ZNF639: variants seen among roughly 807,000 people sequenced by gnomAD.
ZNF639 encodes the protein zinc finger amplified in esophageal squamous cell carcinomas 1.
ZNF639 carries 20 observed loss-of-function variants against 39.8 expected under a neutral mutation model. The ratio of observed to expected loss-of-function variants is 0.50; its 90% CI spans 0.35 to 0.73. ZNF639 has a LOEUF of 0.73. Among genes scored for constraint, ZNF639 ranks in the 30% least tolerant of loss-of-function variants. ZNF639 has a pLI of 0.00. For synonymous variants in ZNF639, 176 were observed against 189.8 expected, an observed-to-expected ratio of 0.93 and a Z score of 0.60; for missense variants, 477 against 566.2, an observed-to-expected ratio of 0.84 and a Z score of 1.60.
rs1395440548 is a variant in ZNF639 at position 179,335,632 on chromosome 3, C to A, written c.*1210C>A. ...CTCACAGTTGTGAAGGCCAGACATT[C>A]AAAATGGAGTTATTGGCAGTTGGTT... On this transcript the variant is annotated 3_prime_UTR_variant, in exon 6 of 6. Coordinates refer to ENST00000496856, the MANE Select transcript of ZNF639 (RefSeq NM_001303426.2). The A allele has an allele frequency of 6.6e-6, 1 of 152,142 alleles. No individual in the cohort carries two copies. Among genetic ancestry groups the A allele is most frequent in the Non-Finnish European group, 1.5e-5 (1 of 68,038 alleles). 9.4% of individuals were successfully genotyped at this position (152,142 alleles called of 1,614,324 possible). A position where few individuals can be genotyped will look rare whatever the true frequency, so the allele number is the denominator to read the frequency against.
rs1262197569 is a variant in ZNF639 at position 179,335,472 on chromosome 3, A to G, written c.*1050A>G. ...TTAAAGTTAGGAAGATCTGGGAGAT[A>G]GGGGTTGCTGGCATGAAAATGTATA... On this transcript the variant is annotated 3_prime_UTR_variant, in exon 6 of 6. Transcript: ENST00000496856. 6.6e-6 allele frequency: 1 copy of G among 152,248 alleles called. No individual in the cohort carries two copies. Among genetic ancestry groups the G allele is most frequent in the Non-Finnish European group, 1.5e-5 (1 of 68,046 alleles). 9.4% of individuals were successfully genotyped at this position (152,248 alleles called of 1,614,324 possible).
chr3:179,323,485 G>T (rs1450308696), intron 1 of ZNF639, among the ~76,000 whole-genome samples, 194 bp downstream of exon 1: 1 of 152,174 alleles, frequency 6.6e-6, no homozygotes, highest in Non-Finnish European at 1.5e-5. Flanking sequence ...TGCGCAGGAC[G>T]CCTTGGCCGG....
At chr3:179,330,462 T>A (rs1727846628) in intron 4 of ZNF639, among the ~76,000 whole-genome samples, 1 of 152,078 alleles carries the variant, frequency 6.6e-6, no homozygotes, top group Admixed American at 6.5e-5. Flanking sequence ...TTTAAAAATT[T>A]TTTTGTAAAG....
rs73172207 is a variant in ZNF639, at chr3:179,333,281, A to G, written c.317A>G (p.Asp106Gly). The change falls in exon 6 of 6, where the codon GAT becomes GGT. Residue 106 changes from aspartate to glycine, a missense_variant. Physicochemically the swap from Asp to Gly is moderately conservative, Grantham distance 94. Coordinates refer to ENST00000496856, the MANE Select transcript of ZNF639 (RefSeq NM_001303426.2). ...HTAFSTEKSA[D>G]IVICDEECDS... ...TTTTATTCTTCAGAAAAATCTGCTG[A>G]TATTGTAATTTGTGATGAAGAGTGT... is the stretch of plus-strand genomic sequence containing the variant. The G allele has an allele frequency of 2.4e-4, 378 of 1,601,378 alleles. No homozygotes were observed. The highest frequency in any genetic ancestry group is 3.1e-4 in the Non-Finnish European group (360 of 1,174,056).
At position 179,325,689 on chromosome 3, in the gene ZNF639, C is replaced by T. The variant is rs370230359; in HGVS notation, c.-82-1872C>T. ...CGGGCAGATCACGAGGTCAGGAGATCGAGAACATCCTGGCTAACACGGTGA... is the reference window on the plus strand; with the variant it reads ...CGGGCAGATCACGAGGTCAGGAGATTGAGAACATCCTGGCTAACACGGTGA... On this transcript the variant is annotated intron_variant, in intron 1 of 5. Transcript: ENST00000496856. 6.0e-5 allele frequency among the ~76,000 whole-genome samples: 9 copies of T among 151,258 alleles called. 2 individuals carry two copies. The highest frequency in any genetic ancestry group is 2.1e-4 in the South Asian group (1 of 4,760).
rs373723095 is a variant in ZNF639 at position 179,324,711 on chromosome 3, A to G, written c.-83+1420A>G. On this transcript the variant is annotated intron_variant, in intron 1 of 5. Coordinates refer to ENST00000496856, the MANE Select transcript of ZNF639 (RefSeq NM_001303426.2). ...CTCCTCCTCTCACCTAACAGCCTGA[A>G]TCCAGGCCAGCTTGCAACGTTGATT... 7.2e-5 allele frequency among the ~76,000 whole-genome samples: 11 copies of G among 152,288 alleles called. No homozygotes were observed. In the East Asian group the frequency reaches 1.3e-3, roughly 19 times the overall value.
At chr3:179,332,390 A>C (rs571172801) in intron 4 of ZNF639, among the ~76,000 whole-genome samples, 4 of 152,352 alleles carry the variant, frequency 2.6e-5, no homozygotes, top group Non-Finnish European at 5.9e-5. Flanking sequence ...TGGGAGGCCA[A>C]GGTGGGAGGA....
In ZNF639 at chr3:179,335,318, C is replaced by T. The variant is rs761356990; in HGVS notation, c.*896C>T. The T allele has an allele frequency of 6.6e-6, 1 of 152,164 alleles. No homozygotes were observed. The highest frequency in any genetic ancestry group is 1.5e-5 in the Non-Finnish European group (1 of 68,066). 9.4% of individuals were successfully genotyped at this position (152,164 alleles called of 1,614,324 possible). A position where few individuals can be genotyped will look rare whatever the true frequency, so the allele number is the denominator to read the frequency against. On this transcript the variant is annotated 3_prime_UTR_variant, in exon 6 of 6. Coordinates refer to ENST00000496856, the MANE Select transcript of ZNF639 (RefSeq NM_001303426.2). The stretch of plus-strand genomic sequence containing the variant: ...TGTTGCCCAGGCCAGTCTCAAACTC[C>T]TGGACTCAAGCAATCCTCCCACCTT...
At chr3:179,332,919 G>C (rs1727992922) in intron 4 of ZNF639, 70 bp from the exon 5 acceptor site, 2 of 1,437,676 alleles carry the variant, frequency 1.4e-6, no homozygotes, top group Non-Finnish European at 1.8e-6. Flanking sequence ...TTTAAAAATT[G>C]ATGCTTTGTT....
rs1727375593 is a variant in ZNF639 at position 179,323,154 on chromosome 3, G to A, written c.-220G>A. The A allele has an allele frequency of 1.0e-6, 1 of 984,462 alleles. No homozygotes were observed. Among genetic ancestry groups the A allele is most frequent in the Non-Finnish European group, 1.2e-6 (1 of 829,698 alleles). 61.0% of individuals were successfully genotyped at this position (984,462 alleles called of 1,614,324 possible). ...GGGAGAGGGGTCGGCCCAGCACAGC[G>A]TCCGGGAGCGCTAGGGCCGGAGCAG... is the stretch of plus-strand genomic sequence containing the variant. On this transcript the variant is annotated 5_prime_UTR_variant, in exon 1 of 6. Coordinates refer to ENST00000496856, the MANE Select transcript of ZNF639 (RefSeq NM_001303426.2).
intron 1 of ZNF639, among the ~76,000 whole-genome samples, chr3:179,327,308 G>A (rs980169983): frequency 6.6e-6 from 1 of 152,044 alleles, no homozygotes; most frequent in Non-Finnish European, 1.5e-5. Context: ...CTATAGGTCA[G>A]GCATGAGACT....
chr3:179,335,329 CA>C lies in ZNF639; in HGVS notation c.*909del, dbSNP rs1711501577. ...CCAGTCTCAAACTCCTGGACTCAAG[CA>C]ATCCTCCCACCTTGGCCTTCCAAAT... On this transcript the variant is annotated 3_prime_UTR_variant, in exon 6 of 6. Coordinates refer to ENST00000496856, the MANE Select transcript of ZNF639 (RefSeq NM_001303426.2). The C allele has an allele frequency of 6.6e-6, 1 of 152,158 alleles. No homozygotes were observed. The highest frequency in any genetic ancestry group is 1.5e-5 in the Non-Finnish European group (1 of 68,064). 9.4% of individuals were successfully genotyped at this position (152,158 alleles called of 1,614,324 possible).
chr3:179,323,831 T>G (rs1305249574), intron 1 of ZNF639: 1 of 151,362 alleles, frequency 6.6e-6, no homozygotes, highest in Non-Finnish European at 1.5e-5. Context: ...GAGAGTCGCC[T>G]CACTCGTGTG....
chr3:179,325,954 G>A (rs1435574235), intron 1 of ZNF639, among the ~76,000 whole-genome samples: 1 of 152,106 alleles, frequency 6.6e-6, no homozygotes, highest in African/African-American at 2.4e-5. Context: ...CTTCAGTGCT[G>A]ATATACCCAG....
At position 179,333,342 on chromosome 3, in the gene ZNF639, G is replaced by A; in HGVS notation, c.378G>A (p.Glu126=). The change falls in exon 6 of 6, where the codon GAG becomes GAA. Residue 126 remains glutamate, a synonymous_variant. Coordinates refer to ENST00000496856, the MANE Select transcript of ZNF639 (RefSeq NM_001303426.2). ...SPESVNQQTQ[E]ESPIEVHTAE... ...AATCAGTCAACCAGCAAACCCAAGA[G>A]GAGAGTCCTATAGAAGTTCACACTG... The A allele has an allele frequency of 6.2e-7, 1 of 1,614,030 alleles. No homozygotes were observed. Among genetic ancestry groups the A allele is most frequent in the African/African-American group, 1.3e-5 (1 of 75,004 alleles).
In ZNF639 at chr3:179,323,162, G is replaced by A. The variant is rs1727376174; in HGVS notation, c.-212G>A. 2.0e-6 allele frequency: 2 copies of A among 984,434 alleles called. No individual in the cohort carries two copies. The highest frequency in any genetic ancestry group is 6.2e-5 in the Admixed American group (1 of 16,164). The allele number at this position is 984,434 out of a possible 1,614,324, so 61.0% of individuals were successfully genotyped here. A position where few individuals can be genotyped will look rare whatever the true frequency, so the allele number is the denominator to read the frequency against. ...GGTCGGCCCAGCACAGCGTCCGGGA[G>A]CGCTAGGGCCGGAGCAGCGCTGCCC... On this transcript the variant is annotated 5_prime_UTR_variant, in exon 1 of 6. Coordinates refer to ENST00000496856, the MANE Select transcript of ZNF639 (RefSeq NM_001303426.2).
chr3:179,329,767 G>A, intron 4 of ZNF639, 39 bp downstream of exon 4: 1 of 1,116,856 alleles, frequency 9.0e-7, no homozygotes, highest in Non-Finnish European at 1.3e-6. Context: ...TCTTTAAACT[G>A]CTTTTACATT....
rs1413726438 is a variant in ZNF639, at chr3:179,335,274, T to C, written c.*852T>C. Reference sequence around the variant, plus strand: ...GCCCGCTAAGTTTTTAAATTTCTTGTAGAGATGAGATCTCGCTATGTTGCC... The same window carrying C: ...GCCCGCTAAGTTTTTAAATTTCTTGCAGAGATGAGATCTCGCTATGTTGCC... On this transcript the variant is annotated 3_prime_UTR_variant, in exon 6 of 6. Transcript: ENST00000496856. The C allele has an allele frequency of 1.3e-5, 2 of 152,180 alleles. No homozygotes were observed. The highest frequency in any genetic ancestry group is 2.9e-5 in the Non-Finnish European group (2 of 68,054). 9.4% of individuals were successfully genotyped at this position (152,180 alleles called of 1,614,324 possible).
Position 179,333,537 on chromosome 3 carries a change from G to C in ZNF639, c.573G>C (p.Gln191His), listed in dbSNP as rs1728040868. 2 of 1,614,046 alleles carry C rather than the reference G, an allele frequency of 1.2e-6. No homozygotes were observed. Among genetic ancestry groups the C allele is most frequent in the Admixed American group, 3.3e-5 (2 of 60,000 alleles). Reference protein sequence around the residue: ...KSQALNVTAQQKWPLLRANSS... With the variant: ...KSQALNVTAQHKWPLLRANSS... ...AAGCTTTGAATGTGACTGCCCAGCA[G>C]AAATGGCCTTTACTGAGAGCTAATA... Residue 191 changes from glutamine to histidine, a missense_variant, in exon 6 of 6, where the codon CAG becomes CAC. Physicochemically the swap from Gln to His is conservative, Grantham distance 24. Coordinates refer to ENST00000496856, the MANE Select transcript of ZNF639 (RefSeq NM_001303426.2).
Sources: gnomAD v4.1 joint callset for allele counts (sites outside exome capture counted in the v4.1 genomes callset) on GRCh38, gnomAD v4.1.1 for gene constraint, MANE v1.5 for transcripts, NCBI Gene and HGNC (gene_info 2026-07-23, HGNC 2026-07-21) for gene names.